DNAH10: variants seen among roughly 807,000 people sequenced by gnomAD.
DNAH10 encodes dynein axonemal heavy chain 10.
A neutral mutation model predicts 506.6 loss-of-function variants in DNAH10; 348 were observed. That is an observed-to-expected ratio of 0.69 (90% CI 0.63 to 0.75). DNAH10 has a LOEUF of 0.75. Ranked by LOEUF, DNAH10 falls within the 30% of genes least tolerant of loss-of-function variation. The probability of loss-of-function intolerance (pLI) is 0.00; values close to 1 mark genes in which losing one functional copy is unlikely to be tolerated. For synonymous variants in DNAH10, 2,059 were observed against 2,198.6 expected (o/e 0.94, Z 1.78); for missense variants, 5,179 against 5,787.1 (o/e 0.89, Z 3.41).
At chr12:123,857,311 A>G in intron 37 of DNAH10, 64 bp downstream of exon 37, 6 of 1,406,776 alleles carry the variant, frequency 4.3e-6, no homozygotes, top group Non-Finnish European at 5.7e-6. Context: ...TTGTTTTTGC[A>G]GTTCTTTAAA....
intron 5 of DNAH10, among the ~76,000 whole-genome samples, chr12:123,776,372 C>T (rs1957439826): frequency 6.6e-6 from 1 of 151,686 alleles, no homozygotes; most frequent in Non-Finnish European, 1.5e-5. Flanking sequence ...GCGGGAGGAT[C>T]GCTTGAGGCT....
chr12:123,833,110 A>T lies in DNAH10; in HGVS notation c.4546-4A>T. 6.2e-7 allele frequency: 1 copy of T among 1,600,892 alleles called. No individual in the cohort carries two copies. Among genetic ancestry groups the T allele is most frequent in the East Asian group, 2.2e-5 (1 of 44,654 alleles). Reference sequence around the variant, plus strand: ...TGAATCATTCTTTTTCTATTCCTGAACAGGCTGTGAAGGAAATCCTAGACA... The same window carrying T: ...TGAATCATTCTTTTTCTATTCCTGATCAGGCTGTGAAGGAAATCCTAGACA... On this transcript the variant is annotated splice_region_variant and splice_polypyrimidine_tract_variant and intron_variant, in intron 26 of 78. Transcript: ENST00000673944.
chr12:123,873,780 G>A, intron 46 of DNAH10, 70 bp downstream of exon 46: 1 of 1,488,324 alleles, frequency 6.7e-7, no homozygotes, highest in Non-Finnish European at 9.0e-7. Flanking sequence ...GTGTGTGTGT[G>A]TGTTAGAAGT....
In DNAH10 at chr12:123,813,773, G is replaced by A. The variant is rs1306065777; in HGVS notation, c.3641G>A (p.Arg1214Lys). ...TTATAGCACCTGGCCAAAAACCTTA[G>A]GAAGATCCCCAATACCCTTGAAGAT... Reference protein sequence around the residue: ...EEMEHLAKNLRKIPNTLEDLK... With the variant: ...EEMEHLAKNLKKIPNTLEDLK... Residue 1214 changes from arginine (R) to lysine (K), a missense_variant, in exon 21 of 79, where the codon AGG becomes AAG. Around this residue, in one of 3 missense-constraint regions of DNAH10, gnomAD observed 4,844 missense variants for 5,430.5 expected, o/e 0.89. Coordinates refer to ENST00000673944, the MANE Select transcript of DNAH10 (RefSeq NM_001372106.1). The A allele has an allele frequency of 1.4e-5, 22 of 1,613,466 alleles. No homozygotes were observed. Among genetic ancestry groups the A allele is most frequent in the Non-Finnish European group, 1.6e-5 (19 of 1,179,878 alleles).
At chr12:123,890,265 A>G (rs1213920687) in intron 52 of DNAH10, among the ~76,000 whole-genome samples, 1 of 151,502 alleles carries the variant, frequency 6.6e-6, no homozygotes, top group East Asian at 1.9e-4. Flanking sequence ...TTAATTTTTT[A>G]GATTTAATTA....
chr12:123,820,466 C>T (rs567788728), intron 23 of DNAH10, 114 bp from the exon 24 acceptor site: 43 of 1,077,592 alleles, frequency 4.0e-5, no homozygotes, highest in Non-Finnish European at 2.9e-5. Flanking sequence ...TTTGTCTTCC[C>T]GTGTGGTTTA....
At chr12:123,934,416 C>T (rs1461488778) in intron 77 of DNAH10, 2 of 701,860 alleles carry the variant, frequency 2.8e-6, no homozygotes, top group Middle Eastern at 2.3e-4. Context: ...GGGGCAGGGC[C>T]ACAGGGTCTC....
At position 123,838,567 on chromosome 12, in the gene DNAH10, C is replaced by G. The variant is rs531299992; in HGVS notation, c.5014C>G (p.Leu1672Val). 4.3e-6 allele frequency: 7 copies of G among 1,614,050 alleles called. No homozygotes were observed. The South Asian group carries it at 6.6e-5, about 15-fold the overall frequency. Residue 1672 changes from leucine to valine, a missense_variant, in exon 29 of 79, where the codon CTC (leucine) becomes GTC (valine). By Grantham distance (32) the Leu-to-Val change is conservative. Around this residue, in one of 3 missense-constraint regions of DNAH10, gnomAD observed 4,844 missense variants for 5,430.5 expected, o/e 0.89. Transcript: ENST00000673944. ...GGGCCTGGAGAAATGCCAGAAAAGC[C>G]TCAACGACTACTTAGATTCGAAGAG... ...SEGLEKCQKS[L>V]NDYLDSKRNA...
At position 123,817,033 on chromosome 12, in the gene DNAH10, A is replaced by C. The variant is rs577832806; in HGVS notation, c.3781-1917A>C. ...ATTATTCCATCATCTTCTGGCCTCTATTGTTTTGACGGAGGAGTTGACTGT... is the reference window on the plus strand; with the variant it reads ...ATTATTCCATCATCTTCTGGCCTCTCTTGTTTTGACGGAGGAGTTGACTGT... On this transcript the variant is annotated intron_variant, in intron 21 of 78. Coordinates refer to ENST00000673944, the MANE Select transcript of DNAH10 (RefSeq NM_001372106.1). 2.9e-5 allele frequency among the ~76,000 whole-genome samples: 4 copies of C among 135,826 alleles called. No homozygotes were observed. In the South Asian group the frequency reaches 9.5e-4, roughly 32 times the overall value. The allele number at this position is 135,826 out of a possible 152,430, so 89.1% of individuals were successfully genotyped here.
intron 24 of DNAH10, among the ~76,000 whole-genome samples, chr12:123,821,938 G>T (rs899492526): frequency 6.6e-6 from 1 of 151,864 alleles, no homozygotes; most frequent in Non-Finnish European, 1.5e-5. Flanking sequence ...CGGGCACAGT[G>T]GCTCACACCT....
chr12:123,770,580 G>A (rs578105631), intron 2 of DNAH10, among the ~76,000 whole-genome samples: 63 of 150,800 alleles, frequency 4.2e-4, no homozygotes, highest in African/African-American at 1.4e-3. Flanking sequence ...TGCCAACCAC[G>A]GTGCCAATGC....
intron 55 of DNAH10, 138 bp downstream of exon 55, chr12:123,898,105 T>C (rs1024494023): frequency 1.2e-6 from 1 of 834,778 alleles, no homozygotes; most frequent in African/African-American, 1.8e-5. Context: ...TTTTGTGTCT[T>C]GGAGCGATTC....
chr12:123,910,794 T>C, intron 59 of DNAH10, 122 bp downstream of exon 59: 1 of 1,308,148 alleles, frequency 7.6e-7, no homozygotes, highest in South Asian at 1.5e-5. Flanking sequence ...CTGCATAAAC[T>C]TTCCCTCCAC....
chr12:123,783,887 C>A, intron 7 of DNAH10, 60 bp from the exon 8 acceptor site: 1 of 1,470,222 alleles, frequency 6.8e-7, no homozygotes, highest in Non-Finnish European at 9.4e-7. Flanking sequence ...GAGAAACCAC[C>A]ATAAGTGTCT....
At chr12:123,837,648 C>T (rs572467263) in intron 28 of DNAH10, among the ~76,000 whole-genome samples, 1 of 150,804 alleles carries the variant, frequency 6.6e-6, no homozygotes, top group African/African-American at 2.4e-5. Context: ...GTGATCATAG[C>T]TCACTGCAGC....
At chr12:123,800,598 A>T (rs1230072614) in intron 15 of DNAH10, among the ~76,000 whole-genome samples, 1 of 151,250 alleles carries the variant, frequency 6.6e-6, no homozygotes, top group African/African-American at 2.4e-5. Flanking sequence ...AGGTGGGAGG[A>T]TTCCTTGAAC....
rs531836623 is a variant in DNAH10 at position 123,886,809 on chromosome 12, A to G, written c.8824-333A>G. Among the ~76,000 whole-genome samples, 11 of 152,282 alleles carry G rather than the reference A, an allele frequency of 7.2e-5. No homozygotes were observed. In the South Asian group the frequency reaches 2.1e-3, roughly 29 times the overall value. On this transcript the variant is annotated intron_variant, in intron 51 of 78. Coordinates refer to ENST00000673944, the MANE Select transcript of DNAH10 (RefSeq NM_001372106.1). ...ACATTTACATCGATTTCGTGTGTAC[A>G]TTGATTTCCTGTCACGAAGTTAAAG...
Position 123,833,136 on chromosome 12 carries a change from C to A in DNAH10, c.4568C>A (p.Thr1523Lys). The A allele has an allele frequency of 6.2e-7, 1 of 1,612,186 alleles. No individual in the cohort carries two copies. The highest frequency in any genetic ancestry group is 8.5e-7 in the Non-Finnish European group (1 of 1,179,164). Residue 1523 changes from threonine (T) to lysine (K), a missense_variant, in exon 27 of 79, where the codon ACG becomes AAG. This residue lies in a region of DNAH10 where 4,844 missense variants were observed against 5,430.5 expected (regional missense o/e 0.89). Transcript: ENST00000673944. ...IEKAVKEILD[T>K]WENMKFTVVK... ...CAGGCTGTGAAGGAAATCCTAGACA[C>A]GTGGGAAAATATGAAATTCACTGTA...
chr12:123,837,537 A>C (rs749992426), intron 28 of DNAH10, among the ~76,000 whole-genome samples: 3 of 151,788 alleles, frequency 2.0e-5, no homozygotes, highest in Non-Finnish European at 4.4e-5. Flanking sequence ...AAACATACAA[A>C]TAGATATAAA....
Sources: allele counts gnomAD v4.1 joint callset (sites outside exome capture counted in the v4.1 genomes callset), GRCh38; gene constraint gnomAD v4.1.1; regional missense constraint gnomAD v4.1.1; transcripts MANE v1.5; gene names NCBI Gene and HGNC (gene_info 2026-07-23, HGNC 2026-07-21).